PTPRM: variants seen among roughly 807,000 people sequenced by gnomAD.
PTPRM encodes protein tyrosine phosphatase receptor type M.
PTPRM carries 47 observed loss-of-function variants against 186.7 expected under a neutral mutation model. The observed-to-expected ratio is 0.25, with a 90% CI of 0.20 to 0.32. PTPRM has a LOEUF of 0.32. PTPRM is among the 10% of genes least tolerant of loss of function. The probability of loss-of-function intolerance (pLI) is 1.00; values close to 1 mark genes in which losing one functional copy is unlikely to be tolerated. For synonymous variants in PTPRM, 668 were observed against 674.9 expected, an observed-to-expected ratio of 0.99 and a Z score of 0.16; for missense variants, 1,494 against 1,865.0, an observed-to-expected ratio of 0.80 and a Z score of 3.66.
intron 22 of PTPRM, among the ~76,000 whole-genome samples, chr18:8,323,800 G>A (rs1192855960): frequency 1.3e-5 from 2 of 152,076 alleles, no homozygotes; most frequent in Non-Finnish European, 2.9e-5. Context: ...GTTTTCCATA[G>A]GACCGCCCAG....
At chr18:8,216,388 T>C (rs984865028) in intron 14 of PTPRM, among the ~76,000 whole-genome samples, 1 of 152,204 alleles carries the variant, frequency 6.6e-6, no homozygotes, top group African/African-American at 2.4e-5. Flanking sequence ...AACAAATAAC[T>C]TGTTCAATTC....
chr18:7,784,911 T>A (rs113937677), intron 2 of PTPRM, among the ~76,000 whole-genome samples: 3,222 of 152,160 alleles, frequency 0.021, 97 homozygotes, highest in African/African-American at 0.067. Context: ...TGCCACCCAG[T>A]TGGAGGCCAT....
intron 7 of PTPRM, among the ~76,000 whole-genome samples, chr18:7,977,341 G>A (rs774923961): frequency 1.3e-5 from 2 of 151,978 alleles, no homozygotes; most frequent in Non-Finnish European, 2.9e-5. Context: ...TGCCTTCCTC[G>A]GCCTCCCAAA....
At chr18:7,767,896 G>A (rs1158507132) in intron 1 of PTPRM, among the ~76,000 whole-genome samples, 1 of 152,082 alleles carries the variant, frequency 6.6e-6, no homozygotes, top group Non-Finnish European at 1.5e-5. Context: ...GATGGTTTGT[G>A]GAGGAAGGTT....
chr18:7,996,183 TAAAA>T (rs33950984), intron 7 of PTPRM, among the ~76,000 whole-genome samples: 1 of 147,940 alleles, frequency 6.8e-6, no homozygotes, highest in African/African-American at 2.5e-5. Context: ...CTTTCTTTCT[TAAAA>T]AAAAAAATAA....
chr18:8,153,033 G>A (rs915762068), intron 14 of PTPRM, among the ~76,000 whole-genome samples: 5 of 151,980 alleles, frequency 3.3e-5, no homozygotes, highest in Admixed American at 6.6e-5. Flanking sequence ...GATGTTCTTC[G>A]TCCATTCCCC....
chr18:8,134,761 C>G (rs1002087934), intron 13 of PTPRM, among the ~76,000 whole-genome samples: 1 of 152,062 alleles, frequency 6.6e-6, no homozygotes, highest in South Asian at 2.1e-4. Flanking sequence ...TTAGGCCCTC[C>G]TCTTTACAAC....
intron 30 of PTPRM, among the ~76,000 whole-genome samples, chr18:8,386,680 C>T (rs1250445158): frequency 1.3e-5 from 2 of 152,198 alleles, no homozygotes; most frequent in Non-Finnish European, 2.9e-5. Flanking sequence ...GCAGTGTTCT[C>T]TATCTTCACA....
At chr18:7,745,229 C>A (rs1022135876) in intron 1 of PTPRM, among the ~76,000 whole-genome samples, 1 of 152,132 alleles carries the variant, frequency 6.6e-6, no homozygotes, top group Non-Finnish European at 1.5e-5. Flanking sequence ...CCCTTTAAGC[C>A]AACCCTTTTG....
intron 14 of PTPRM, among the ~76,000 whole-genome samples, chr18:8,239,160 A>C (rs1305185394): frequency 1.2e-5 from 1 of 84,008 alleles, no homozygotes; most frequent in Non-Finnish European, 2.2e-5. Context: ...CCCACCCCAC[A>C]AGAGTCCCCA....
chr18:7,794,380 T>C (rs2043498619), intron 2 of PTPRM, among the ~76,000 whole-genome samples: 1 of 152,050 alleles, frequency 6.6e-6, no homozygotes, highest in Non-Finnish European at 1.5e-5. Flanking sequence ...CCCCTAGAGA[T>C]TGGAGCAGTG....
At chr18:8,267,148 T>C (rs1223944489) in intron 19 of PTPRM, among the ~76,000 whole-genome samples, 6 of 152,212 alleles carry the variant, frequency 3.9e-5, no homozygotes. Context: ...ATTATGCATG[T>C]GAGTTCCTTG....
chr18:7,735,263 A>G (rs2144440173), intron 1 of PTPRM, among the ~76,000 whole-genome samples: 1 of 152,266 alleles, frequency 6.6e-6, no homozygotes, highest in South Asian at 2.1e-4. Context: ...CTGAAAATAC[A>G]AAAATTAGTT....
At chr18:7,760,424 C>G (rs2041713145) in intron 1 of PTPRM, among the ~76,000 whole-genome samples, 1 of 152,066 alleles carries the variant, frequency 6.6e-6, no homozygotes, top group Admixed American at 6.5e-5. Context: ...CACAGTACAC[C>G]AACTTTTAAG....
At chr18:7,742,240 TA>T (rs1568068151) in intron 1 of PTPRM, among the ~76,000 whole-genome samples, 1 of 152,202 alleles carries the variant, frequency 6.6e-6, no homozygotes, top group Non-Finnish European at 1.5e-5. Context: ...TTACAGTGAC[TA>T]AAAAATATGT....
chr18:8,300,793 T>A (rs1397701451), intron 20 of PTPRM, among the ~76,000 whole-genome samples: 1 of 152,186 alleles, frequency 6.6e-6, no homozygotes, highest in East Asian at 1.9e-4. Context: ...CTAGGGACAG[T>A]GTCAAAAAGA....
At chr18:8,248,403 A>C (rs960623617) in intron 17 of PTPRM, 2 of 607,586 alleles carry the variant, frequency 3.3e-6, no homozygotes, top group Non-Finnish European at 6.0e-6. Flanking sequence ...GATGATACCA[A>C]CAGGTTCAAA....
intron 19 of PTPRM, among the ~76,000 whole-genome samples, chr18:8,289,272 T>C (rs1226706516): frequency 1.3e-5 from 2 of 151,674 alleles, no homozygotes; most frequent in Admixed American, 6.6e-5. Flanking sequence ...ATATATGACA[T>C]TGCTGTGGAA....
intron 2 of PTPRM, among the ~76,000 whole-genome samples, chr18:7,832,279 C>T (rs1425763873): frequency 1.3e-5 from 2 of 152,164 alleles, no homozygotes; most frequent in Non-Finnish European, 2.9e-5. Flanking sequence ...CATATCCTTG[C>T]CAGCATTTGT....
Sources: gnomAD v4.1 joint callset for allele counts (sites outside exome capture counted in the v4.1 genomes callset) on GRCh38, gnomAD v4.1.1 for gene constraint, MANE v1.5 for transcripts, NCBI Gene and HGNC (gene_info 2026-07-23, HGNC 2026-07-21) for gene names.